Variants in DHRSX observed in about 807,000 individuals in gnomAD.
DHRSX encodes the protein polyprenol dehydrogenase.
DHRSX carries 31 observed loss-of-function variants against 34.0 expected under a neutral mutation model. The ratio of observed to expected loss-of-function variants is 0.91; its 90% CI spans 0.69 to 1.23. The LOEUF is 1.23. Ranked by LOEUF, DHRSX falls within the 50% of genes most tolerant of loss-of-function variation. The pLI, the probability that DHRSX is intolerant of heterozygous loss-of-function variation, is 0.00. For synonymous variants in DHRSX, 201 were observed against 183.8 expected (o/e 1.09, Z -0.76); for missense variants, 414 against 428.1 (o/e 0.97, Z 0.29).
intron 5 of DHRSX, among the ~76,000 whole-genome samples, chrX:2,250,161 CAAAA>C (rs1036532155): frequency 9.8e-6 from 1 of 101,828 alleles, no homozygotes; most frequent in African/African-American, 4.2e-5. Flanking sequence ...GACTCCATCT[CAAAA>C]AAAAAAAAAA....
chrX:2,224,661 C>A (rs192354819), intron 6 of DHRSX, among the ~76,000 whole-genome samples: 1 of 151,796 alleles, frequency 6.6e-6, no homozygotes, highest in Non-Finnish European at 1.5e-5. Context: ...GACATGCACA[C>A]ATACATTCGT....
At chrX:2,498,260 A>C (rs1356300187) in intron 1 of DHRSX, among the ~76,000 whole-genome samples, 1 of 152,170 alleles carries the variant, frequency 6.6e-6, no homozygotes, top group East Asian at 1.9e-4. Flanking sequence ...CCTTGCTTCC[A>C]ATCTGCAGTG....
chrX:2,385,741 A>G (rs1210780561), intron 3 of DHRSX, among the ~76,000 whole-genome samples: 1 of 152,122 alleles, frequency 6.6e-6, no homozygotes, highest in African/African-American at 2.4e-5. Flanking sequence ...TTAACCTGGA[A>G]GTCTATTCAG....
At position 2,419,894 on chromosome X, in the gene DHRSX, A is replaced by G. The variant is rs769476587; in HGVS notation, c.217+5303T>C. Among the ~76,000 whole-genome samples the G allele has an allele frequency of 2.1e-4, 32 of 152,068 alleles. No homozygotes were observed. In the South Asian group the frequency reaches 6.2e-3, roughly 30 times the overall value. ...AATGACGAGTTAATAGGTGCAGCAC[A>G]CCAGCATGGCACATGTATACATATG... On this transcript the variant is annotated intron_variant, in intron 2 of 6. Coordinates refer to ENST00000334651, the MANE Select transcript of DHRSX (RefSeq NM_145177.3).
At chrX:2,340,068 T>C (rs2042620957) in intron 3 of DHRSX, among the ~76,000 whole-genome samples, 1 of 151,908 alleles carries the variant, frequency 6.6e-6, no homozygotes, top group South Asian at 2.1e-4. Context: ...AAACCATTCT[T>C]CTCAGCAAAC....
intron 1 of DHRSX, among the ~76,000 whole-genome samples, chrX:2,433,924 G>A (rs776761975): frequency 1.4e-3 from 217 of 152,170 alleles, no homozygotes; most frequent in Non-Finnish European, 2.0e-3. Context: ...ACAGGCGCCC[G>A]CCACCACGCC....
At chrX:2,451,936 GC>G (rs2044224847) in intron 1 of DHRSX, among the ~76,000 whole-genome samples, 1 of 150,514 alleles carries the variant, frequency 6.6e-6, no homozygotes, top group Non-Finnish European at 1.5e-5. Flanking sequence ...AGAAACCACT[GC>G]CATGTACACA....
chrX:2,337,975 G>A (rs1433265192), intron 3 of DHRSX: 2 of 140,602 alleles, frequency 1.4e-5, no homozygotes, highest in African/African-American at 2.8e-5. Flanking sequence ...ATGATAAGAC[G>A]ACAAGTTCCA....
intron 6 of DHRSX, among the ~76,000 whole-genome samples, chrX:2,230,278 A>T (rs967008299): frequency 2.6e-5 from 4 of 152,178 alleles, no homozygotes; most frequent in Non-Finnish European, 5.9e-5. Context: ...CAACTCCCCA[A>T]TGAGAGCTGT....
chrX:2,392,421 C>A, intron 3 of DHRSX: 1 of 290,108 alleles, frequency 3.4e-6, no homozygotes, highest in South Asian at 3.2e-5. Context: ...GTGGGAGGAT[C>A]GCTTGAGTTC....
At chrX:2,399,302 A>G (rs1354000675) in intron 3 of DHRSX, among the ~76,000 whole-genome samples, 1 of 152,076 alleles carries the variant, frequency 6.6e-6, no homozygotes, top group East Asian at 1.9e-4. Flanking sequence ...TTATCTACGC[A>G]TATGCCTGTC....
intron 3 of DHRSX, among the ~76,000 whole-genome samples, chrX:2,353,918 C>T (rs912582739): frequency 6.6e-6 from 1 of 152,076 alleles, no homozygotes; most frequent in African/African-American, 2.4e-5. Context: ...ATGCACACAC[C>T]TCAGTTTGGA....
intron 4 of DHRSX, among the ~76,000 whole-genome samples, chrX:2,282,402 A>AC (rs2041716979): frequency 6.9e-6 from 1 of 144,934 alleles, no homozygotes; most frequent in Non-Finnish European, 1.5e-5. Context: ...GACAGAGAGA[A>AC]AGAGAGAAAG....
At position 2,458,953 on chromosome X, in the gene DHRSX, A is replaced by T. The variant is rs916082563; in HGVS notation, c.110-33649T>A. Among the ~76,000 whole-genome samples, 87 of 152,068 alleles carry T rather than the reference A, an allele frequency of 5.7e-4. 1 individual carries two copies. Among genetic ancestry groups the T allele is most frequent in the African/African-American group, 2.1e-3 (86 of 41,434 alleles). On this transcript the variant is annotated intron_variant, in intron 1 of 6. Transcript: ENST00000334651. ...CCAGGAATTCAAGACCAGCCTGAGC[A>T]ACATAGCAAGACCCCATCTCTACAA... is the stretch of plus-strand genomic sequence containing the variant.
intron 4 of DHRSX, among the ~76,000 whole-genome samples, chrX:2,276,275 A>C (rs2041644490): frequency 6.6e-6 from 1 of 152,184 alleles, no homozygotes; most frequent in South Asian, 2.1e-4. Context: ...TTTCATTGCG[A>C]ATTTTGTAAG....
intron 3 of DHRSX, among the ~76,000 whole-genome samples, chrX:2,291,894 G>GTTTTTTTT (rs1162716010): frequency 1.2e-4 from 11 of 95,320 alleles, no homozygotes; most frequent in African/African-American, 3.1e-4. Context: ...TTGTATTTTT[G>GTTTTTTTT]TATTTTTTTT....
Position 2,220,935 on chromosome X carries a change from G to A in DHRSX, c.*106C>T. 1 of 1,077,532 alleles carries A rather than the reference G, an allele frequency of 9.3e-7. No individual in the cohort carries two copies. Among genetic ancestry groups the A allele is most frequent in the South Asian group, 1.5e-5 (1 of 64,692 alleles). 66.7% of individuals were successfully genotyped at this position (1,077,532 alleles called of 1,614,324 possible). On this transcript the variant is annotated 3_prime_UTR_variant, in exon 7 of 7. Transcript: ENST00000334651. The stretch of plus-strand genomic sequence containing the variant: ...TCAAAACTAGAGGACAGAGCCCTGT[G>A]GGCAGGTGGGTGTGAGAAACTCAAA...
At chrX:2,357,182 TG>T (rs890459962) in intron 3 of DHRSX, among the ~76,000 whole-genome samples, 1 of 152,074 alleles carries the variant, frequency 6.6e-6, no homozygotes, top group Non-Finnish European at 1.5e-5. Context: ...AGGCGGAGAT[TG>T]CAGTGAGCTA....
chrX:2,335,778 G>C (rs2042552168), intron 3 of DHRSX, among the ~76,000 whole-genome samples: 1 of 151,870 alleles, frequency 6.6e-6, no homozygotes, highest in African/African-American at 2.4e-5. Context: ...AAAACGGGAG[G>C]CAAGTTTGCT....
Sources: allele counts gnomAD v4.1 joint callset (sites outside exome capture counted in the v4.1 genomes callset), GRCh38; gene constraint gnomAD v4.1.1; transcripts MANE v1.5; gene names NCBI Gene and HGNC (gene_info 2026-07-23, HGNC 2026-07-21).